DNAJC21: variants seen among roughly 807,000 people sequenced by gnomAD.
The protein encoded by DNAJC21 is dnaJ homolog subfamily C member 21.
In DNAJC21, 63 loss-of-function variants were observed where a neutral mutation model predicts 72.4. The ratio of observed to expected loss-of-function variants is 0.87; its 90% CI spans 0.71 to 1.07. The LOEUF is 1.07. Among genes scored for constraint, DNAJC21 ranks in the 50% least tolerant of loss-of-function variants. The pLI, the probability that DNAJC21 is intolerant of heterozygous loss-of-function variation, is 0.00. For missense variants in DNAJC21, 634 were observed against 644.8 expected, an observed-to-expected ratio of 0.98 and a Z score of 0.18; for synonymous variants, 203 against 216.7, an observed-to-expected ratio of 0.94 and a Z score of 0.56.
chr5:34,950,321 A>T lies in DNAJC21; in HGVS notation c.1337A>T (p.Asp446Val). 1.2e-6 allele frequency: 2 copies of T among 1,609,590 alleles called. No homozygotes were observed. Among genetic ancestry groups the T allele is most frequent in the Non-Finnish European group, 8.5e-7 (1 of 1,178,768 alleles). The change falls in exon 10 of 12, where the codon GAT (aspartate) becomes GTT (valine). Residue 446 changes from aspartate (D) to valine (V), a missense_variant. Asp to Val is a radical substitution (Grantham distance 152). Transcript: ENST00000648817. ...SVTEIIKPCD[D>V]PKSEAKSVPK... is the part of the protein sequence containing the mutation. ...ACAGAGATCATTAAACCATGTGATG[A>T]TCCAAAAAGTGAAGCTAAAAGGTAA...
At chr5:34,934,223 G>T (rs913662835) in intron 2 of DNAJC21, among the ~76,000 whole-genome samples, 1 of 151,904 alleles carries the variant, frequency 6.6e-6, no homozygotes, top group Non-Finnish European at 1.5e-5. Context: ...ACAGGTAGAA[G>T]GTTTTCGTTT....
At position 34,957,913 on chromosome 5, in the gene DNAJC21, T is replaced by A. The variant is rs1765580931; in HGVS notation, c.*3199T>A. On this transcript the variant is annotated 3_prime_UTR_variant, in exon 12 of 12. Coordinates refer to ENST00000648817, the MANE Select transcript of DNAJC21 (RefSeq NM_001012339.3). ...CAATGCTGAAGTATCTCTATTCAAT[T>A]CCCTTCCTTATCTGTTAAATTTAAT... The A allele has an allele frequency of 6.6e-6, 1 of 152,224 alleles. No homozygotes were observed. Among genetic ancestry groups the A allele is most frequent in the Non-Finnish European group, 1.5e-5 (1 of 68,048 alleles). The allele number at this position is 152,224 out of a possible 1,614,324, so 9.4% of individuals were successfully genotyped here. A position where few individuals can be genotyped will look rare whatever the true frequency, so the allele number is the denominator to read the frequency against.
At chr5:34,944,799 T>C in intron 7 of DNAJC21, 68 bp from the exon 8 acceptor site, 3 of 1,582,420 alleles carry the variant, frequency 1.9e-6, no homozygotes, top group Non-Finnish European at 2.6e-6. Context: ...GTTGCAGTTA[T>C]CCAGCAACAT....
Position 34,953,980 on chromosome 5 carries a change from A to G in DNAJC21, c.1413A>G (p.Val471=), listed in dbSNP as rs1167957589. 2 of 1,611,950 alleles carry G rather than the reference A, an allele frequency of 1.2e-6. No individual in the cohort carries two copies. ...KTKDMKKPVR[V]PAEPQTMSVL... The stretch of plus-strand genomic sequence containing the variant: ...AAGATATGAAAAAACCTGTCAGAGT[A>G]CCTGCTGAACCACAAACAATGGTAG... Residue 471 remains valine, a synonymous_variant, in exon 11 of 12, where the codon GTA becomes GTG. Transcript: ENST00000648817.
intron 10 of DNAJC21, chr5:34,952,131 G>GTGTC (rs1388978273): frequency 1.1e-6 from 1 of 935,338 alleles, no homozygotes; most frequent in Non-Finnish European, 1.3e-6. Context: ...AAATGTGTGT[G>GTGTC]TGTGTGTGTG....
chr5:34,955,507 T>C lies in DNAJC21; in HGVS notation c.*793T>C, dbSNP rs1309417230. The C allele has an allele frequency of 6.6e-6, 1 of 151,436 alleles. No homozygotes were observed. Among genetic ancestry groups the C allele is most frequent in the Non-Finnish European group, 1.5e-5 (1 of 67,914 alleles). The allele number at this position is 151,436 out of a possible 1,614,324, so 9.4% of individuals were successfully genotyped here. On this transcript the variant is annotated 3_prime_UTR_variant, in exon 12 of 12. Transcript: ENST00000648817. ...TAAGAAGAGATGTGGTGTTCTTCATTGAGTTTTTTTCTTCACTATTTTCAG... is the reference window on the plus strand; with the variant it reads ...TAAGAAGAGATGTGGTGTTCTTCATCGAGTTTTTTTCTTCACTATTTTCAG...
chr5:34,929,960 C>T lies in DNAJC21; in HGVS notation c.97+44C>T, dbSNP rs755028791. On this transcript the variant is annotated intron_variant, in intron 1 of 11. Transcript: ENST00000648817. The stretch of plus-strand genomic sequence containing the variant: ...GCCCCCGCGGCCACTCGGAGAAGCC[C>T]GGCCCTCCCCGACCTTCCCTTCCCC... The T allele has an allele frequency of 4.1e-6, 6 of 1,476,008 alleles. No individual in the cohort carries two copies. The South Asian group carries it at 4.9e-5, about 12-fold the overall frequency. The allele number at this position is 1,476,008 out of a possible 1,614,324, so 91.4% of individuals were successfully genotyped here. A position where few individuals can be genotyped will look rare whatever the true frequency, so the allele number is the denominator to read the frequency against.
In DNAJC21 at chr5:34,953,827, G is replaced by A. The variant is rs186347690; in HGVS notation, c.1359-99G>A. On this transcript the variant is annotated intron_variant, in intron 10 of 11. Coordinates refer to ENST00000648817, the MANE Select transcript of DNAJC21 (RefSeq NM_001012339.3). The stretch of plus-strand genomic sequence containing the variant: ...TAAAATTAATGAATTAACTTTTAAA[G>A]TGCAGTTCACTTTTTTGAGTGTTCT... The A allele has an allele frequency of 9.3e-6, 6 of 647,916 alleles. No homozygotes were observed. The Admixed American group carries it at 1.4e-4, about 15-fold the overall frequency. 40.1% of individuals were successfully genotyped at this position (647,916 alleles called of 1,614,324 possible).
In DNAJC21 at chr5:34,951,588, C is replaced by T. The variant is rs187759565; in HGVS notation, c.1358+1246C>T. The T allele has an allele frequency of 1.8e-5, 18 of 977,478 alleles. 1 individual carries two copies. Among genetic ancestry groups the T allele is most frequent in the Middle Eastern group, 5.3e-4 (1 of 1,900 alleles). 60.6% of individuals were successfully genotyped at this position (977,478 alleles called of 1,614,324 possible). The stretch of plus-strand genomic sequence containing the variant: ...TGTTGCCCAGGCTGGAGTACAGTGG[C>T]GCAACCTCGGCTCACTGCAACCTCC... On this transcript the variant is annotated intron_variant, in intron 10 of 11. Transcript: ENST00000648817.
intron 7 of DNAJC21, among the ~76,000 whole-genome samples, chr5:34,941,498 C>G (rs186447152): frequency 6.6e-6 from 1 of 151,246 alleles, no homozygotes; most frequent in African/African-American, 2.4e-5. Flanking sequence ...GCTAGGATTG[C>G]AAGCGTGAGC....
At chr5:34,943,836 T>C (rs1765082831) in intron 7 of DNAJC21, among the ~76,000 whole-genome samples, 1 of 152,228 alleles carries the variant, frequency 6.6e-6, no homozygotes, top group Admixed American at 6.5e-5. Context: ...TTCAGTGTTT[T>C]ATAATTCATT....
At position 34,945,141 on chromosome 5, in the gene DNAJC21, A is replaced by C. The variant is rs188262635; in HGVS notation, c.1142+116A>C. ...TGCCCAGGCTGGGGTGCAGTGGCGC[A>C]GTCTCAGCTCACTGCAACCTCCAAC... On this transcript the variant is annotated intron_variant, in intron 8 of 11. Transcript: ENST00000648817. 3.2e-6 allele frequency: 4 copies of C among 1,260,548 alleles called. No individual in the cohort carries two copies. In the East Asian group the frequency reaches 9.7e-5, roughly 30 times the overall value. 78.1% of individuals were successfully genotyped at this position (1,260,548 alleles called of 1,614,324 possible).
chr5:34,933,533 C>T (rs943733067), intron 1 of DNAJC21, among the ~76,000 whole-genome samples: 2 of 152,150 alleles, frequency 1.3e-5, no homozygotes, highest in African/African-American at 4.8e-5. Flanking sequence ...GCTTCGGCCT[C>T]CTAAAGTGCT....
Position 34,958,042 on chromosome 5 carries a change from A to T in DNAJC21, c.*3328A>T, listed in dbSNP as rs187000315. The T allele has an allele frequency of 5.9e-5, 9 of 152,236 alleles. No individual in the cohort carries two copies. The highest frequency in any genetic ancestry group is 1.3e-4 in the Non-Finnish European group (9 of 68,046). The allele number at this position is 152,236 out of a possible 1,614,324, so 9.4% of individuals were successfully genotyped here. On this transcript the variant is annotated 3_prime_UTR_variant, in exon 12 of 12. Transcript: ENST00000648817. Reference sequence around the variant, plus strand: ...AAGAGGAAGCTGAGCTCAGGGAGATATGAGCTCCACAGCCACAGCTGGTTA... The same window carrying T: ...AAGAGGAAGCTGAGCTCAGGGAGATTTGAGCTCCACAGCCACAGCTGGTTA...
chr5:34,940,974 A>C, intron 6 of DNAJC21, 122 bp from the exon 7 acceptor site: 1 of 814,126 alleles, frequency 1.2e-6, no homozygotes, highest in Non-Finnish European at 1.9e-6. Context: ...AGCCAACTCA[A>C]ATCCTTAGGA....
rs1195431993 is a variant in DNAJC21 at position 34,958,862 on chromosome 5, AGAAT to A, written c.*4151_*4154del. On this transcript the variant is annotated 3_prime_UTR_variant, in exon 12 of 12. Transcript: ENST00000648817. ...TAAAAATTATGTTAAAAAAATAAGA[AGAAT>A]GACTATTTTTCAAAACAAAAAATGA... is the stretch of plus-strand genomic sequence containing the variant. The A allele has an allele frequency of 6.6e-6, 1 of 152,226 alleles. No individual in the cohort carries two copies. The highest frequency in any genetic ancestry group is 2.4e-5 in the African/African-American group (1 of 41,460). The allele number at this position is 152,226 out of a possible 1,614,324, so 9.4% of individuals were successfully genotyped here. A position where few individuals can be genotyped will look rare whatever the true frequency, so the allele number is the denominator to read the frequency against.
rs1017262229 is a variant in DNAJC21 at position 34,929,735 on chromosome 5, GCGCCGC to G, written c.-72_-67del. On this transcript the variant is annotated 5_prime_UTR_variant, in exon 1 of 12. Coordinates refer to ENST00000648817, the MANE Select transcript of DNAJC21 (RefSeq NM_001012339.3). ...GGACTCCCGCCGGAGAGGACTGCCAGCGCCGCCGCCGCCGCCGCTTCGGCCCGGGCC... is the reference window on the plus strand; with the variant it reads ...GGACTCCCGCCGGAGAGGACTGCCAGCGCCGCCGCCGCTTCGGCCCGGGCC... 2.4e-5 allele frequency: 15 copies of G among 620,636 alleles called. No homozygotes were observed. Among genetic ancestry groups the G allele is most frequent in the Non-Finnish European group, 3.1e-5 (15 of 487,542 alleles). 38.4% of individuals were successfully genotyped at this position (620,636 alleles called of 1,614,324 possible). A position where few individuals can be genotyped will look rare whatever the true frequency, so the allele number is the denominator to read the frequency against.
chr5:34,931,607 A>G (rs1368546143), intron 1 of DNAJC21, among the ~76,000 whole-genome samples: 2 of 149,800 alleles, frequency 1.3e-5, no homozygotes, highest in Non-Finnish European at 2.9e-5. Context: ...GTAATCTTGA[A>G]TATTAGCCCA....
At chr5:34,931,106 G>A (rs1764574919) in intron 1 of DNAJC21, among the ~76,000 whole-genome samples, 1 of 152,146 alleles carries the variant, frequency 6.6e-6, no homozygotes, top group Non-Finnish European at 1.5e-5. Context: ...TGTATTGCAG[G>A]TCTGAAAAAT....
Sources: gnomAD v4.1 joint callset for allele counts (sites outside exome capture counted in the v4.1 genomes callset) on GRCh38, gnomAD v4.1.1 for gene constraint, MANE v1.5 for transcripts, NCBI Gene and HGNC (gene_info 2026-07-23, HGNC 2026-07-21) for gene names.